The following EPB41 variants were observed in gnomAD, a reference collection of about 807,000 sequenced individuals.
EPB41 encodes protein 4.1.
A neutral mutation model predicts 108.0 loss-of-function variants in EPB41; 65 were observed. The ratio of observed to expected loss-of-function variants is 0.60; its 90% CI spans 0.49 to 0.74. EPB41 has a LOEUF of 0.74. Among genes scored for constraint, EPB41 ranks in the 30% least tolerant of loss-of-function variants. EPB41 has a pLI of 0.00. For missense variants in EPB41, 875 were observed against 1,037.0 expected, an observed-to-expected ratio of 0.84 and a Z score of 2.15; for synonymous variants, 336 against 358.9, an observed-to-expected ratio of 0.94 and a Z score of 0.72.
chr1:29,027,885 C>T (rs892616174), intron 7 of EPB41, among the ~76,000 whole-genome samples: 1 of 152,042 alleles, frequency 6.6e-6, no homozygotes, highest in Non-Finnish European at 1.5e-5. Context: ...GGTGCAATGA[C>T]GCAATCTCGG....
chr1:28,929,258 C>T, intron 1 of EPB41, among the ~76,000 whole-genome samples: 1 of 149,610 alleles, frequency 6.7e-6, no homozygotes, highest in South Asian at 2.1e-4. Flanking sequence ...CAGAGTCTTG[C>T]TCTGTCGCCC....
chr1:28,889,835 A>G, intron 1 of EPB41: 3 of 985,346 alleles, frequency 3.0e-6, no homozygotes, highest in Non-Finnish European at 3.6e-6. Flanking sequence ...CGTACTGTGC[A>G]CCATATACAG....
chr1:29,044,330 T>C (rs1415864327), intron 11 of EPB41, among the ~76,000 whole-genome samples: 1 of 152,228 alleles, frequency 6.6e-6, no homozygotes, highest in Non-Finnish European at 1.5e-5. Context: ...AGTTTCATGG[T>C]TATATAGATA....
chr1:29,048,102 G>A (rs1180962885), intron 11 of EPB41, among the ~76,000 whole-genome samples: 1 of 151,826 alleles, frequency 6.6e-6, no homozygotes, highest in African/African-American at 2.4e-5. Context: ...ATTTATAATT[G>A]TATATATTTA....
Position 29,039,295 on chromosome 1 carries a change from C to A in EPB41, c.1505C>A (p.Ala502Glu). 2 of 1,614,066 alleles carry A rather than the reference C, an allele frequency of 1.2e-6. No homozygotes were observed. The highest frequency in any genetic ancestry group is 1.7e-6 in the Non-Finnish European group (2 of 1,180,024). ...ACCATTCCCAAAAGCAAATTTCTTG[C>A]GCTAGGATCCAAATTTCGATACAGT... ...TDTIPKSKFL[A>E]LGSKFRYSGR... The change falls in exon 11 of 21, where the codon GCG becomes GAG. Residue 502 changes from alanine (A) to glutamate (E), a missense_variant. Ala to Glu is a moderately radical substitution (Grantham distance 107). Transcript: ENST00000343067.
chr1:29,108,148 C>CTTTTTTT (rs544874657), intron 17 of EPB41, among the ~76,000 whole-genome samples: 2 of 129,158 alleles, frequency 1.5e-5, no homozygotes, highest in African/African-American at 5.6e-5. Context: ...CCTCTTATTT[C>CTTTTTTT]TTTTTTTTTT....
chr1:28,910,558 G>C (rs1291068694), upstream of EPB41, among the ~76,000 whole-genome samples: 2 of 151,774 alleles, frequency 1.3e-5, no homozygotes, highest in African/African-American at 4.8e-5. Context: ...TGGTTTCCCC[G>C]CCCCTCCCCG....
At chr1:29,061,300 C>T (rs998028931) in intron 15 of EPB41, among the ~76,000 whole-genome samples, 21 of 151,988 alleles carry the variant, frequency 1.4e-4, no homozygotes, top group Admixed American at 7.9e-4. Context: ...GACAGAGTCT[C>T]GCTCTGTCGG....
intron 16 of EPB41, among the ~76,000 whole-genome samples, chr1:29,074,181 C>A (rs965881682): frequency 6.6e-6 from 1 of 152,170 alleles, no homozygotes; most frequent in Admixed American, 6.5e-5. Context: ...TTTATTTTTT[C>A]GGCAAGGGTT....
chr1:28,924,776 A>G (rs2093344221), intron 1 of EPB41, among the ~76,000 whole-genome samples: 1 of 152,164 alleles, frequency 6.6e-6, no homozygotes, highest in African/African-American at 2.4e-5. Flanking sequence ...AGTGAATAAA[A>G]TAGAGGTATC....
At chr1:29,089,931 C>G (rs139540297) in intron 16 of EPB41, among the ~76,000 whole-genome samples, 1 of 152,006 alleles carries the variant, frequency 6.6e-6, no homozygotes, top group South Asian at 2.1e-4. Flanking sequence ...GAAGAAAAAC[C>G]GTTGAGGGCA....
chr1:29,112,916 C>G (rs890303141), intron 19 of EPB41, among the ~76,000 whole-genome samples: 1 of 152,116 alleles, frequency 6.6e-6, no homozygotes, highest in South Asian at 2.1e-4. Flanking sequence ...GAAGCATGCC[C>G]CTACCCTTAG....
At chr1:29,090,705 G>A (rs951174343) in intron 16 of EPB41, among the ~76,000 whole-genome samples, 12 of 152,140 alleles carry the variant, frequency 7.9e-5, no homozygotes, top group Admixed American at 2.0e-4. Flanking sequence ...AGCTGACATC[G>A]CGCCATTGCA....
intron 12 of EPB41, among the ~76,000 whole-genome samples, chr1:29,055,706 T>C (rs1356230237): frequency 1.3e-5 from 2 of 151,476 alleles, no homozygotes; most frequent in Non-Finnish European, 2.9e-5. Context: ...TCCCAGCAAT[T>C]TGGGAGGCCA....
At chr1:28,966,500 G>C (rs1478368036) in intron 1 of EPB41, among the ~76,000 whole-genome samples, 2 of 152,146 alleles carry the variant, frequency 1.3e-5, no homozygotes, top group East Asian at 3.8e-4. Flanking sequence ...ACAATCCTTT[G>C]CTCCAATGGA....
intron 16 of EPB41, 75 bp from the exon 17 acceptor site, chr1:29,097,732 C>T: frequency 6.6e-7 from 1 of 1,525,736 alleles, no homozygotes; most frequent in Non-Finnish European, 9.1e-7. Flanking sequence ...ACACTTTGAT[C>T]AGATCAGTGT....
At position 29,047,638 on chromosome 1, in the gene EPB41, A is replaced by G. The variant is rs117274405; in HGVS notation, c.1637-5466A>G. Among the ~76,000 whole-genome samples the G allele has an allele frequency of 8.7e-4, 132 of 152,178 alleles. 3 individuals carry two copies. The East Asian group carries it at 0.023, about 27-fold the overall frequency. ...AGCTGGGTATCTTTTCAATATCTGT[A>G]AGAACTATAGCAGGGTCCACTTTTG... On this transcript the variant is annotated intron_variant, in intron 11 of 20. Coordinates refer to ENST00000343067, the MANE Select transcript of EPB41 (RefSeq NM_001376013.1).
intron 1 of EPB41, among the ~76,000 whole-genome samples, chr1:28,948,307 A>G (rs1322138402): frequency 6.6e-6 from 1 of 150,816 alleles, no homozygotes; most frequent in East Asian, 2.0e-4. Flanking sequence ...AGGTAAGGAG[A>G]TCGAGACCAC....
rs914938835 is a variant in EPB41 at position 29,052,995 on chromosome 1, T to A, written c.1637-109T>A. The A allele has an allele frequency of 3.3e-6, 4 of 1,194,714 alleles. No homozygotes were observed. The Admixed American group carries it at 5.9e-5, about 18-fold the overall frequency. The allele number at this position is 1,194,714 out of a possible 1,614,324, so 74.0% of individuals were successfully genotyped here. A position where few individuals can be genotyped will look rare whatever the true frequency, so the allele number is the denominator to read the frequency against. On this transcript the variant is annotated intron_variant, in intron 11 of 20. Coordinates refer to ENST00000343067, the MANE Select transcript of EPB41 (RefSeq NM_001376013.1). ...CTCTGTGTGATAGCCCACTACACACTCTAACATTCGTGTGTATCCTGGATT... is the reference window on the plus strand; with the variant it reads ...CTCTGTGTGATAGCCCACTACACACACTAACATTCGTGTGTATCCTGGATT...
Sources: allele counts gnomAD v4.1 joint callset (sites outside exome capture counted in the v4.1 genomes callset), GRCh38; gene constraint gnomAD v4.1.1; transcripts MANE v1.5; gene names NCBI Gene and HGNC (gene_info 2026-07-23, HGNC 2026-07-21).